The following FIP1L1 variants were observed in gnomAD, a reference collection of about 807,000 sequenced individuals.
FIP1L1 encodes the protein factor interacting with PAPOLA and CPSF1.
Under a neutral mutation model 84.6 loss-of-function variants are expected in FIP1L1, and 21 were observed. The ratio of observed to expected loss-of-function variants is 0.25; its 90% CI spans 0.18 to 0.36. The LOEUF (loss-of-function observed/expected upper bound fraction) is 0.36, where lower values mean the gene tolerates loss of function less well. Among genes scored for constraint, FIP1L1 ranks in the 10% least tolerant of loss-of-function variants. FIP1L1 has a pLI of 1.00. For missense variants in FIP1L1, 526 were observed against 751.1 expected (o/e 0.70, Z 3.50); for synonymous variants, 263 against 242.3 (o/e 1.09, Z -0.80).
intron 16 of FIP1L1, 106 bp from the exon 17 acceptor site, chr4:53,458,547 T>C (rs1720716991): frequency 1.9e-6 from 2 of 1,059,810 alleles, no homozygotes; most frequent in African/African-American, 1.6e-5. Flanking sequence ...AAGATGCTAA[T>C]GTGAGGATTT....
intron 13 of FIP1L1, among the ~76,000 whole-genome samples, chr4:53,433,537 G>T (rs2150096180): frequency 6.6e-6 from 1 of 151,444 alleles, no homozygotes; most frequent in East Asian, 1.9e-4. Context: ...TTGTAGTGGA[G>T]TTTACTGTAG....
chr4:53,416,250 G>A (rs1234165883), intron 11 of FIP1L1, among the ~76,000 whole-genome samples: 1 of 152,158 alleles, frequency 6.6e-6, no homozygotes, highest in Non-Finnish European at 1.5e-5. Flanking sequence ...CCTATTTACT[G>A]AACCTAAAAG....
intron 13 of FIP1L1, chr4:53,442,360 G>C: frequency 3.7e-6 from 1 of 273,686 alleles, no homozygotes; most frequent in Non-Finnish European, 6.9e-6. Context: ...GTAAGGCATT[G>C]AGATTAACTT....
chr4:53,393,833 A>G (rs1745799157), intron 9 of FIP1L1, among the ~76,000 whole-genome samples: 1 of 121,948 alleles, frequency 8.2e-6, no homozygotes, highest in Non-Finnish European at 1.6e-5. Flanking sequence ...GAAATTTTAC[A>G]GTTATGTGTC....
intron 11 of FIP1L1, among the ~76,000 whole-genome samples, chr4:53,422,119 CTT>C (rs1762640616): frequency 6.6e-6 from 1 of 151,998 alleles, no homozygotes; most frequent in African/African-American, 2.4e-5. Flanking sequence ...ATTTTGGAGA[CTT>C]TATTTCCATA....
chr4:53,386,033 T>G (rs973567521), intron 5 of FIP1L1, among the ~76,000 whole-genome samples: 1 of 148,016 alleles, frequency 6.8e-6, no homozygotes, highest in African/African-American at 2.6e-5. Flanking sequence ...AAATACAAAA[T>G]AGCATTTTTT....
chr4:53,420,211 A>AC, intron 11 of FIP1L1, among the ~76,000 whole-genome samples: 3 of 146,770 alleles, frequency 2.0e-5, no homozygotes, highest in African/African-American at 7.6e-5. Flanking sequence ...AAAAAAAAAA[A>AC]AAAAAAAAAA....
At chr4:53,389,666 AAAAT>A (rs769944014) in intron 5 of FIP1L1, 139 bp from the exon 6 acceptor site, 231 of 654,482 alleles carry the variant, frequency 3.5e-4, no homozygotes, top group Middle Eastern at 8.2e-4. Context: ...CAAAATTTAA[AAAAT>A]AAAGATAGAA....
chr4:53,383,785 A>G lies in FIP1L1; in HGVS notation c.241A>G (p.Thr81Ala). ...TATGTTCATGTAGAAAGTGACTGAG[A>G]CCGAAGATGATAGTGATAGTGACAG... ...NGVPKPKVTE[T>A]EDDSDSDSDD... Residue 81 changes from threonine (T) to alanine (A), a missense_variant, in exon 5 of 18, where the codon ACC becomes GCC. By Grantham distance (58) the Thr-to-Ala change is moderately conservative (BLOSUM62 0). This residue lies in a region of FIP1L1 where 100 missense variants were observed against 107.2 expected (regional missense o/e 0.93). Transcript: ENST00000337488. The G allele has an allele frequency of 6.2e-7, 1 of 1,609,764 alleles. No individual in the cohort carries two copies. The highest frequency in any genetic ancestry group is 1.1e-5 in the South Asian group (1 of 90,836).
At chr4:53,438,620 G>GT (rs1384367493) in intron 13 of FIP1L1, among the ~76,000 whole-genome samples, 1 of 152,134 alleles carries the variant, frequency 6.6e-6, no homozygotes, top group African/African-American at 2.4e-5. Context: ...AAATGACATG[G>GT]TTTTTTCTTT....
intron 13 of FIP1L1, among the ~76,000 whole-genome samples, chr4:53,435,029 A>AAT (rs1768492949): frequency 6.6e-6 from 1 of 152,230 alleles, no homozygotes; most frequent in African/African-American, 2.4e-5. Flanking sequence ...ACCTCAAATT[A>AAT]ACTGGCACTG....
In FIP1L1 at chr4:53,442,635, T is replaced by G. The variant is rs1405012763; in HGVS notation, c.1175-18T>G. The stretch of plus-strand genomic sequence containing the variant: ...TGTACATTGTTAACATTTTTTATCT[T>G]ATGATTGAATGTTTCAGGTTTTCCT... On this transcript the variant is annotated intron_variant, in intron 13 of 17. Transcript: ENST00000337488. 1 of 1,572,362 alleles carries G rather than the reference T, an allele frequency of 6.4e-7. No individual in the cohort carries two copies.
At chr4:53,407,162 C>T (rs1754046463) in intron 10 of FIP1L1, among the ~76,000 whole-genome samples, 1 of 151,976 alleles carries the variant, frequency 6.6e-6, no homozygotes, top group Admixed American at 6.6e-5. Flanking sequence ...TATAAATTTC[C>T]GTCTACACAC....
At chr4:53,435,442 G>A (rs1284424958) in intron 13 of FIP1L1, among the ~76,000 whole-genome samples, 3 of 152,244 alleles carry the variant, frequency 2.0e-5, no homozygotes, top group East Asian at 3.9e-4. Context: ...AGCTGGTAGA[G>A]ATCATTTCTT....
intron 8 of FIP1L1, 50 bp downstream of exon 8, chr4:53,391,189 T>A (rs765032031): frequency 6.5e-7 from 1 of 1,548,950 alleles, no homozygotes; most frequent in Non-Finnish European, 8.7e-7. Context: ...CCGTCCCACT[T>A]TTACTCCCCA....
chr4:53,438,969 G>C (rs922732413), intron 13 of FIP1L1, among the ~76,000 whole-genome samples: 1 of 151,874 alleles, frequency 6.6e-6, no homozygotes, highest in African/African-American at 2.4e-5. Flanking sequence ...GGATGATTTT[G>C]GTATATTCCT....
intron 10 of FIP1L1, among the ~76,000 whole-genome samples, chr4:53,412,413 T>C (rs189823847): frequency 3.3e-5 from 5 of 152,284 alleles, no homozygotes; most frequent in African/African-American, 9.6e-5. Context: ...GATTTAGGAC[T>C]TAATCCAGTG....
At chr4:53,440,806 T>C (rs868282832) in intron 13 of FIP1L1, 7 of 520,150 alleles carry the variant, frequency 1.3e-5, no homozygotes, top group Admixed American at 7.2e-5. Flanking sequence ...GTCTTACCCG[T>C]TTCTGTAGAA....
At chr4:53,399,221 A>G (rs1380301455) in intron 9 of FIP1L1, among the ~76,000 whole-genome samples, 2 of 152,200 alleles carry the variant, frequency 1.3e-5, no homozygotes, top group African/African-American at 4.8e-5. Flanking sequence ...TTTAATGGTG[A>G]TGGGAAAATG....
Sources: gnomAD v4.1 joint callset for allele counts (sites outside exome capture counted in the v4.1 genomes callset) on GRCh38, gnomAD v4.1.1 for gene constraint, gnomAD v4.1.1 regional missense constraint, MANE v1.5 for transcripts, NCBI Gene and HGNC (gene_info 2026-07-23, HGNC 2026-07-21) for gene names.